The following FLACC1 variants were observed in gnomAD, a reference collection of about 807,000 sequenced individuals.
FLACC1 encodes flagellum associated containing coiled-coil domains 1.
Under a neutral mutation model 62.8 loss-of-function variants are expected in FLACC1, and 66 were observed. That is an observed-to-expected ratio of 1.05 (90% confidence interval 0.86 to 1.29). The LOEUF is 1.29. Among genes scored for constraint, FLACC1 ranks in the 50% most tolerant of loss-of-function variants. The pLI is 0.00. For synonymous variants in FLACC1, 156 were observed against 161.0 expected (o/e 0.97, Z 0.24); for missense variants, 452 against 489.1 (o/e 0.92, Z 0.71).
At chr2:201,301,889 A>T (rs1460121179) in intron 11 of FLACC1, among the ~76,000 whole-genome samples, 1 of 152,222 alleles carries the variant, frequency 6.6e-6, no homozygotes, top group Admixed American at 6.5e-5. Flanking sequence ...AAATTCTGAG[A>T]GATTTTGTCA....
chr2:201,361,956 C>T (rs1951189218), upstream of FLACC1, among the ~76,000 whole-genome samples: 1 of 152,172 alleles, frequency 6.6e-6, no homozygotes, highest in African/African-American at 2.4e-5. Context: ...GACCTGCCAG[C>T]CAACAGTTGT....
chr2:201,295,136 T>C (rs1282847226), intron 12 of FLACC1, among the ~76,000 whole-genome samples: 1 of 152,158 alleles, frequency 6.6e-6, no homozygotes, highest in African/African-American at 2.4e-5. Flanking sequence ...TACCAATGAT[T>C]TTCTTCACAG....
At chr2:201,343,368 T>A (rs1225667917) in intron 6 of FLACC1, among the ~76,000 whole-genome samples, 4 of 152,338 alleles carry the variant, frequency 2.6e-5, no homozygotes, top group Non-Finnish European at 5.9e-5. Context: ...TTTTCCTTTC[T>A]ATAGAAGGAG....
chr2:201,359,688 C>G (rs955227513), upstream of FLACC1, among the ~76,000 whole-genome samples: 1 of 152,298 alleles, frequency 6.6e-6, no homozygotes, highest in Non-Finnish European at 1.5e-5. Context: ...CTCTTTCCAT[C>G]TCTCTGTTAT....
In FLACC1 at chr2:201,330,487, T is replaced by C; in HGVS notation, c.658A>G (p.Met220Val). The C allele has an allele frequency of 1.2e-6, 2 of 1,613,902 alleles. No individual in the cohort carries two copies. Among genetic ancestry groups the C allele is most frequent in the Non-Finnish European group, 8.5e-7 (1 of 1,179,920 alleles). ...MGKEYKYLKNMFRTYQDSIYD... is the reference protein window; with the variant it reads ...MGKEYKYLKNVFRTYQDSIYD... ...TATCTCACCTGATACGTACGAAACA[T>C]ATTCTTCAAATACTTGTATTCTTTT... The change falls in exon 9 of 15, where the codon ATG becomes GTG. Residue 220 changes from methionine to valine, a missense_variant. Transcript: ENST00000392257.
chr2:201,339,412 T>C (rs1950761693), intron 7 of FLACC1, among the ~76,000 whole-genome samples: 1 of 152,122 alleles, frequency 6.6e-6, no homozygotes, highest in African/African-American at 2.4e-5. Context: ...CTATTTCGTT[T>C]AGTTCTGGTC....
chr2:201,309,104 T>G (rs377491151), intron 10 of FLACC1, 47 bp downstream of exon 10: 2 of 1,549,266 alleles, frequency 1.3e-6, no homozygotes. Flanking sequence ...TTCATGGCAG[T>G]TTTTTAATGC....
chr2:201,304,100 A>G (rs373540957), intron 11 of FLACC1, among the ~76,000 whole-genome samples: 1 of 152,214 alleles, frequency 6.6e-6, no homozygotes, highest in Admixed American at 6.5e-5. Context: ...CAGGAGAAGG[A>G]AATAAAGGGT....
chr2:201,333,270 A>T (rs1306405318), intron 7 of FLACC1, among the ~76,000 whole-genome samples: 1 of 152,032 alleles, frequency 6.6e-6, no homozygotes, highest in Non-Finnish European at 1.5e-5. Flanking sequence ...ATAATAACTC[A>T]CTATGGTTTT....
chr2:201,298,511 G>A (rs145794129), intron 12 of FLACC1, among the ~76,000 whole-genome samples: 5 of 152,234 alleles, frequency 3.3e-5, no homozygotes, highest in East Asian at 1.9e-4. Flanking sequence ...GACAGAATTC[G>A]TAGACAAGCT....
At chr2:201,310,864 T>C (rs1297038473) in intron 9 of FLACC1, among the ~76,000 whole-genome samples, 2 of 152,036 alleles carry the variant, frequency 1.3e-5, no homozygotes, top group African/African-American at 4.8e-5. Flanking sequence ...GTTGGATCTT[T>C]GAAAGGAAAT....
chr2:201,346,722 G>A lies in FLACC1; in HGVS notation c.235-47C>T. 6.2e-7 allele frequency: 1 copy of A among 1,610,016 alleles called. No homozygotes were observed. ...GATAAAATGGCAGACTTGGAGTGCT[G>A]AGATTTTTCCAAATCTTCTCTTATT... On this transcript the variant is annotated intron_variant, in intron 4 of 14. Coordinates refer to ENST00000392257, the MANE Select transcript of FLACC1 (RefSeq NM_001127391.3). The surrounding 1 kb of genome is among the most constrained non-coding windows in gnomAD (Gnocchi z 4.0).
chr2:201,307,636 A>G lies in FLACC1; in HGVS notation c.776-14T>C, dbSNP rs1218120299. ...TCATCTTTTTTTCTGTGGAAGTGAC[A>G]GGAAAGCACATATATGTGTAAAGAT... is the stretch of plus-strand genomic sequence containing the variant. On this transcript the variant is annotated splice_polypyrimidine_tract_variant and intron_variant, in intron 10 of 14. Transcript: ENST00000392257. The G allele has an allele frequency of 6.4e-7, 1 of 1,563,906 alleles. No homozygotes were observed. The highest frequency in any genetic ancestry group is 8.8e-7 in the Non-Finnish European group (1 of 1,134,424).
intron 3 of FLACC1, among the ~76,000 whole-genome samples, chr2:201,349,648 C>G (rs1453982769): frequency 1.3e-5 from 2 of 152,138 alleles, no homozygotes; most frequent in East Asian, 3.8e-4. Flanking sequence ...AGACCTAAAA[C>G]TAAGGTACAT....
chr2:201,289,360 G>C (rs758920780), intron 14 of FLACC1, 97 bp downstream of exon 14: 3 of 1,123,918 alleles, frequency 2.7e-6, no homozygotes, highest in Non-Finnish European at 2.6e-6. Context: ...GACATAACTA[G>C]GGAGCAGTTG....
At chr2:201,337,008 T>C (rs1008035086) in intron 7 of FLACC1, among the ~76,000 whole-genome samples, 1 of 133,426 alleles carries the variant, frequency 7.5e-6, no homozygotes, top group African/African-American at 2.7e-5. Flanking sequence ...TTAATGAATT[T>C]GTGTTTGTTT....
At chr2:201,345,701 C>G (rs1205250279) in intron 5 of FLACC1, among the ~76,000 whole-genome samples, 2 of 152,004 alleles carry the variant, frequency 1.3e-5, no homozygotes, top group African/African-American at 4.8e-5. Flanking sequence ...GAATCTGCAT[C>G]TGTTAATGAA....
intron 9 of FLACC1, among the ~76,000 whole-genome samples, chr2:201,317,529 C>T (rs531418525): frequency 2.6e-5 from 4 of 152,140 alleles, no homozygotes; most frequent in Non-Finnish European, 5.9e-5. Context: ...AACTATAAAA[C>T]ACTGCTAAAG....
intron 12 of FLACC1, among the ~76,000 whole-genome samples, chr2:201,291,465 C>A (rs568720135): frequency 6.6e-6 from 1 of 152,334 alleles, no homozygotes; most frequent in Non-Finnish European, 1.5e-5. Flanking sequence ...AGCTGAGGGT[C>A]CTGACTGTTA....
Sources: gnomAD v4.1 joint callset for allele counts (sites outside exome capture counted in the v4.1 genomes callset) on GRCh38, gnomAD v4.1.1 for gene constraint, Gnocchi (gnomAD v3.1) non-coding constraint, MANE v1.5 for transcripts, NCBI Gene and HGNC (gene_info 2026-07-23, HGNC 2026-07-21) for gene names.